NELL2: variants seen among roughly 807,000 people sequenced by gnomAD.
NELL2 encodes the protein neural EGFL like 2.
Under a neutral mutation model 109.6 loss-of-function variants are expected in NELL2, and 41 were observed. The observed-to-expected ratio is 0.37, with a 90% CI of 0.29 to 0.49. NELL2 has a LOEUF of 0.49. Ranked by LOEUF, NELL2 falls within the 20% of genes least tolerant of loss-of-function variation. NELL2 has a pLI of 0.98. For synonymous variants in NELL2, 355 were observed against 344.7 expected (o/e 1.03, Z -0.33); for missense variants, 900 against 1,008.3 (o/e 0.89, Z 1.45).
chr12:44,617,409 C>T (rs1164728427), intron 13 of NELL2, among the ~76,000 whole-genome samples: 1 of 105,790 alleles, frequency 9.5e-6, no homozygotes, highest in Non-Finnish European at 1.8e-5. Flanking sequence ...CAGTTGTGGC[C>T]GGGCGCGGTG....
At chr12:44,572,150 T>C (rs77779566) in intron 15 of NELL2, among the ~76,000 whole-genome samples, 9,590 of 152,178 alleles carry the variant, frequency 0.063, 961 homozygotes, top group African/African-American at 0.22. Flanking sequence ...GTTATTTATT[T>C]GTTTATTTTT....
At chr12:44,604,072 G>A (rs1566003336) in intron 15 of NELL2, among the ~76,000 whole-genome samples, 1 of 152,096 alleles carries the variant, frequency 6.6e-6, no homozygotes, top group Admixed American at 6.6e-5. Flanking sequence ...AGTCTTCACT[G>A]TTAAAGACAA....
At chr12:44,645,497 T>C (rs1389538522) in intron 13 of NELL2, among the ~76,000 whole-genome samples, 1 of 152,236 alleles carries the variant, frequency 6.6e-6, no homozygotes, top group East Asian at 1.9e-4. Context: ...GAATCAAGGG[T>C]GGCCTCAGTG....
chr12:44,684,793 T>C (rs1215328592), intron 12 of NELL2, among the ~76,000 whole-genome samples: 4 of 152,232 alleles, frequency 2.6e-5, no homozygotes, highest in African/African-American at 4.8e-5. Flanking sequence ...TAGTTTGTTA[T>C]AATTTCTGTT....
At chr12:44,633,991 A>C (rs1257335998) in intron 13 of NELL2, among the ~76,000 whole-genome samples, 3 of 152,138 alleles carry the variant, frequency 2.0e-5, no homozygotes, top group Admixed American at 6.6e-5. Context: ...TCGTAAAATA[A>C]AATTTTAATT....
At position 44,694,149 on chromosome 12, in the gene NELL2, T is replaced by C. The variant is rs528257935; in HGVS notation, c.1318+9577A>G. ...ATTATTCTGGGTGTGTTTGTGAGGG[T>C]GTTTCTGGATGAAATTAACATTTGA... is the stretch of plus-strand genomic sequence containing the variant. On this transcript the variant is annotated intron_variant, in intron 12 of 19. Transcript: ENST00000429094. 3.9e-5 allele frequency among the ~76,000 whole-genome samples: 6 copies of C among 152,296 alleles called. No individual in the cohort carries two copies. The South Asian group carries it at 1.2e-3, about 32-fold the overall frequency.
At chr12:44,514,463 A>C (rs1649125295) in intron 19 of NELL2, among the ~76,000 whole-genome samples, 1 of 151,830 alleles carries the variant, frequency 6.6e-6, no homozygotes, top group Non-Finnish European at 1.5e-5. Context: ...ACAGAGAGAG[A>C]TAGAGAGAGA....
At chr12:44,550,699 A>C (rs1943012511) in intron 15 of NELL2, among the ~76,000 whole-genome samples, 1 of 152,132 alleles carries the variant, frequency 6.6e-6, no homozygotes, top group African/African-American at 2.4e-5. Flanking sequence ...AAGGAAGAAA[A>C]TTCTGTTATT....
At chr12:44,857,951 T>C (rs566731534) in intron 2 of NELL2, among the ~76,000 whole-genome samples, 40 of 152,240 alleles carry the variant, frequency 2.6e-4, no homozygotes, top group African/African-American at 9.4e-4. Context: ...TGTCCTCCCT[T>C]TAGCACATGA....
At chr12:44,574,657 T>TA (rs1436584260) in intron 15 of NELL2, among the ~76,000 whole-genome samples, 1 of 152,186 alleles carries the variant, frequency 6.6e-6, no homozygotes, top group Non-Finnish European at 1.5e-5. Flanking sequence ...AGATGATATT[T>TA]ATAGCAATAT....
intron 13 of NELL2, among the ~76,000 whole-genome samples, chr12:44,641,789 C>T (rs1423267080): frequency 1.4e-5 from 2 of 145,720 alleles, no homozygotes; most frequent in African/African-American, 2.6e-5. Context: ...CTCTGCCTCT[C>T]GGGTTCAGGC....
intron 2 of NELL2, among the ~76,000 whole-genome samples, chr12:44,824,523 TGC>T (rs998458048): frequency 1.1e-4 from 16 of 152,260 alleles, no homozygotes; most frequent in African/African-American, 3.8e-4. Flanking sequence ...CCCCCTCGTA[TGC>T]TGTTGGCACT....
chr12:44,572,168 G>C (rs548571047), intron 15 of NELL2, among the ~76,000 whole-genome samples: 1 of 151,704 alleles, frequency 6.6e-6, no homozygotes, highest in African/African-American at 2.4e-5. Flanking sequence ...TTTAGACAAG[G>C]CCTCACTCTG....
At chr12:44,814,626 A>G (rs190825169) in intron 3 of NELL2, among the ~76,000 whole-genome samples, 46 of 152,272 alleles carry the variant, frequency 3.0e-4, no homozygotes, top group Admixed American at 6.5e-4. Flanking sequence ...CCCTCCCCTC[A>G]AAAACAGGCC....
chr12:44,626,580 G>A (rs1407390204), intron 13 of NELL2, among the ~76,000 whole-genome samples: 1 of 152,120 alleles, frequency 6.6e-6, no homozygotes, highest in Non-Finnish European at 1.5e-5. Flanking sequence ...AGTTGGATGA[G>A]GACAGAGACC....
At chr12:44,560,588 G>C (rs1311259625) in intron 15 of NELL2, among the ~76,000 whole-genome samples, 1 of 152,088 alleles carries the variant, frequency 6.6e-6, no homozygotes, top group Non-Finnish European at 1.5e-5. Flanking sequence ...AGAAGAAATG[G>C]ATAAATTCCT....
chr12:44,744,789 T>G (rs1195262432), intron 9 of NELL2, among the ~76,000 whole-genome samples: 2 of 152,128 alleles, frequency 1.3e-5, no homozygotes, highest in East Asian at 1.9e-4. Context: ...AATAACAGGC[T>G]CTGAAATTAA....
At chr12:44,538,887 G>C (rs1320391800) in intron 15 of NELL2, among the ~76,000 whole-genome samples, 2 of 152,102 alleles carry the variant, frequency 1.3e-5, no homozygotes, top group East Asian at 1.9e-4. Context: ...TTGGTTACTA[G>C]AGTCTTAGTA....
intron 15 of NELL2, among the ~76,000 whole-genome samples, chr12:44,588,458 C>T (rs1013437550): frequency 1.3e-5 from 2 of 151,892 alleles, no homozygotes; most frequent in South Asian, 2.1e-4. Context: ...GCCAAAATGA[C>T]GTCCACTGGC....
Sources: allele counts gnomAD v4.1 joint callset (sites outside exome capture counted in the v4.1 genomes callset), GRCh38; gene constraint gnomAD v4.1.1; transcripts MANE v1.5; gene names NCBI Gene and HGNC (gene_info 2026-07-23, HGNC 2026-07-21).